Variants in PRKCB observed in about 807,000 individuals in gnomAD.
PRKCB encodes protein kinase C beta type.
A neutral mutation model predicts 81.5 loss-of-function variants in PRKCB; 13 were observed. The observed-to-expected ratio is 0.16, with a 90% confidence interval of 0.10 to 0.25. PRKCB has a LOEUF of 0.25. Among genes scored for constraint, PRKCB ranks in the 10% least tolerant of loss-of-function variants. The pLI, the probability that PRKCB is intolerant of heterozygous loss-of-function variation, is 1.00. For synonymous variants in PRKCB, 335 were observed against 321.4 expected, an observed-to-expected ratio of 1.04 and a Z score of -0.45; for missense variants, 509 against 875.7, an observed-to-expected ratio of 0.58 and a Z score of 5.29.
At chr16:24,194,108 C>G (rs1336704747) in intron 16 of PRKCB, among the ~76,000 whole-genome samples, 2 of 152,132 alleles carry the variant, frequency 1.3e-5, no homozygotes, top group Non-Finnish European at 2.9e-5. Flanking sequence ...GGGCAGATCA[C>G]CTGAGGTCAG....
chr16:24,031,129 C>T (rs990516254), intron 3 of PRKCB, among the ~76,000 whole-genome samples: 4 of 152,138 alleles, frequency 2.6e-5, no homozygotes, highest in African/African-American at 4.8e-5. Context: ...CTTAGAGCCC[C>T]GGAAGTTTAT....
At chr16:23,986,569 T>C (rs1297896069) in intron 2 of PRKCB, among the ~76,000 whole-genome samples, 1 of 152,180 alleles carries the variant, frequency 6.6e-6, no homozygotes, top group African/African-American at 2.4e-5. Flanking sequence ...TTATTTTTAA[T>C]ACTTAATTGT....
intron 8 of PRKCB, among the ~76,000 whole-genome samples, chr16:24,118,669 T>C (rs1461409100): frequency 1.3e-5 from 2 of 152,228 alleles, no homozygotes; most frequent in African/African-American, 4.8e-5. Context: ...TCAGAAATGC[T>C]ATTTGCTTTC....
chr16:23,967,105 G>T (rs1964497465), intron 2 of PRKCB, among the ~76,000 whole-genome samples: 1 of 151,994 alleles, frequency 6.6e-6, no homozygotes, highest in Admixed American at 6.5e-5. Context: ...TGCTCTGGGA[G>T]GAGGCCTGTC....
chr16:23,897,595 G>A (rs1310405887), intron 2 of PRKCB, among the ~76,000 whole-genome samples: 1 of 152,092 alleles, frequency 6.6e-6, no homozygotes, highest in Admixed American at 6.5e-5. Context: ...CTGTCACCTG[G>A]CAGCTTATGC....
chr16:24,181,771 C>CAAAAAAAAAAAA lies in PRKCB; in HGVS notation c.1533+852_1533+863dup, dbSNP rs71154286. Among the ~76,000 whole-genome samples the CAAAAAAAAAAAA allele has an allele frequency of 5.2e-3, 126 of 24,394 alleles. 10 individuals carry two copies. Among genetic ancestry groups the CAAAAAAAAAAAA allele is most frequent in the Non-Finnish European group, 5.5e-3 (83 of 15,136 alleles). The allele number at this position is 24,394 out of a possible 152,430, so 16.0% of individuals were successfully genotyped here. ...TGGGTGACACAGTAAGACCCTGTCT[C>CAAAAAAAAAAAA]AAAAAAAAAAAAAAAAAAAAGAAGA... is the stretch of plus-strand genomic sequence containing the variant. On this transcript the variant is annotated intron_variant, in intron 13 of 16. Transcript: ENST00000643927.
At chr16:24,178,668 T>C (rs1224938033) in intron 12 of PRKCB, among the ~76,000 whole-genome samples, 1 of 152,206 alleles carries the variant, frequency 6.6e-6, no homozygotes, top group Non-Finnish European at 1.5e-5. Flanking sequence ...TAGATGAGCA[T>C]GAAGGCTGGA....
chr16:24,154,916 A>C, intron 10 of PRKCB, 59 bp downstream of exon 10: 1 of 1,556,066 alleles, frequency 6.4e-7, no homozygotes, highest in East Asian at 2.3e-5. Flanking sequence ...GCTTTGGCCA[A>C]AGCTATCTTA....
At chr16:23,931,570 G>A (rs947225714) in intron 2 of PRKCB, among the ~76,000 whole-genome samples, 3 of 152,188 alleles carry the variant, frequency 2.0e-5, no homozygotes, top group Admixed American at 1.3e-4. Flanking sequence ...CTGAGGCTGA[G>A]TGGGGAGGAG....
chr16:23,983,282 T>C (rs1055313454), intron 2 of PRKCB, among the ~76,000 whole-genome samples: 2 of 152,200 alleles, frequency 1.3e-5, no homozygotes, highest in African/African-American at 4.8e-5. Flanking sequence ...GCACAACTTT[T>C]CAGAAACACA....
In PRKCB at chr16:23,942,340, T is replaced by C. The variant is rs369511316; in HGVS notation, c.206-46168T>C. Among the ~76,000 whole-genome samples, 5 of 152,360 alleles carry C rather than the reference T, an allele frequency of 3.3e-5. No homozygotes were observed. In the East Asian group the frequency reaches 7.7e-4, roughly 23 times the overall value. ...CTTGGCATGCCAGATCCCCATGGCGTTGGAGCATACCAAAGTGATAGAGCG... is the reference window on the plus strand; with the variant it reads ...CTTGGCATGCCAGATCCCCATGGCGCTGGAGCATACCAAAGTGATAGAGCG... On this transcript the variant is annotated intron_variant, in intron 2 of 16. Coordinates refer to ENST00000643927, the MANE Select transcript of PRKCB (RefSeq NM_002738.7).
intron 2 of PRKCB, among the ~76,000 whole-genome samples, chr16:23,984,964 T>G (rs1445503834): frequency 6.6e-6 from 1 of 152,174 alleles, no homozygotes; most frequent in Non-Finnish European, 1.5e-5. Flanking sequence ...TTTGGGGTAA[T>G]ACGGTTTTCT....
intron 2 of PRKCB, among the ~76,000 whole-genome samples, chr16:23,979,874 A>C (rs1411088579): frequency 1.3e-5 from 2 of 152,212 alleles, no homozygotes; most frequent in Non-Finnish European, 2.9e-5. Context: ...ACTTGAGGTC[A>C]GGAGTTTGAG....
intron 7 of PRKCB, among the ~76,000 whole-genome samples, chr16:24,102,343 G>A (rs1403413925): frequency 1.3e-5 from 2 of 152,182 alleles, no homozygotes; most frequent in Non-Finnish European, 2.9e-5. Context: ...TCAGATTTAC[G>A]GCCAAGACAT....
At chr16:24,094,590 A>G (rs1966416571) in intron 7 of PRKCB, among the ~76,000 whole-genome samples, 1 of 151,964 alleles carries the variant, frequency 6.6e-6, no homozygotes, top group Non-Finnish European at 1.5e-5. Context: ...ACATGGTGAA[A>G]CCCCATCTCT....
At chr16:23,943,737 C>A (rs1964168542) in intron 2 of PRKCB, among the ~76,000 whole-genome samples, 1 of 152,166 alleles carries the variant, frequency 6.6e-6, no homozygotes, top group South Asian at 2.1e-4. Flanking sequence ...CATGAAATAG[C>A]AACAGGTGCG....
At chr16:23,976,774 T>A (rs920288759) in intron 2 of PRKCB, among the ~76,000 whole-genome samples, 1 of 152,082 alleles carries the variant, frequency 6.6e-6, no homozygotes, top group African/African-American at 2.4e-5. Context: ...AAGCGGGAAG[T>A]CATGGGGTCA....
At chr16:24,061,148 C>T (rs1010294636) in intron 5 of PRKCB, among the ~76,000 whole-genome samples, 1 of 152,030 alleles carries the variant, frequency 6.6e-6, no homozygotes, top group East Asian at 1.9e-4. Flanking sequence ...GCAACCTCCG[C>T]CTCCCGAATT....
At chr16:23,935,960 A>G (rs1486046835) in intron 2 of PRKCB, among the ~76,000 whole-genome samples, 1 of 152,232 alleles carries the variant, frequency 6.6e-6, no homozygotes, top group African/African-American at 2.4e-5. Context: ...AAACCTCAGC[A>G]TCTTGCATTA....
Sources: gnomAD v4.1 joint callset for allele counts (sites outside exome capture counted in the v4.1 genomes callset) on GRCh38, gnomAD v4.1.1 for gene constraint, MANE v1.5 for transcripts, NCBI Gene and HGNC (gene_info 2026-07-23, HGNC 2026-07-21) for gene names.